CTNNA2: variants seen among roughly 807,000 people sequenced by gnomAD.
The protein encoded by CTNNA2 is catenin alpha-2.
In CTNNA2, 42 loss-of-function variants were observed where a neutral mutation model predicts 101.0. That is an observed-to-expected ratio of 0.42 (90% CI 0.32 to 0.54). The LOEUF (loss-of-function observed/expected upper bound fraction) is 0.54. Ranked by LOEUF, CTNNA2 falls within the 20% of genes least tolerant of loss-of-function variation. The pLI, the probability that CTNNA2 is intolerant of heterozygous loss-of-function variation, is 0.14. For missense variants in CTNNA2, 871 were observed against 1,223.1 expected (o/e 0.71, Z 4.29); for synonymous variants, 450 against 456.4 (o/e 0.99, Z 0.18).
chr2:80,631,361 A>C (rs1223520906), intron 18 of CTNNA2, among the ~76,000 whole-genome samples: 1 of 108,350 alleles, frequency 9.2e-6, no homozygotes, highest in Non-Finnish European at 2.1e-5. Flanking sequence ...GAAACCACTA[A>C]TTTTTTTTTT....
intron 6 of CTNNA2, among the ~76,000 whole-genome samples, chr2:79,892,136 A>G (rs1005632632): frequency 7.2e-5 from 11 of 152,200 alleles, no homozygotes; most frequent in Middle Eastern, 3.4e-3. Flanking sequence ...AATCAACTTT[A>G]TTTTACATTT....
intron 3 of CTNNA2, among the ~76,000 whole-genome samples, chr2:79,771,685 T>A (rs1281822078): frequency 6.6e-6 from 1 of 152,164 alleles, no homozygotes; most frequent in Non-Finnish European, 1.5e-5. Flanking sequence ...GAGGCGGAGC[T>A]CAGGCGGTAA....
chr2:80,640,960 C>G (rs905876707), intron 18 of CTNNA2, among the ~76,000 whole-genome samples: 1 of 152,150 alleles, frequency 6.6e-6, no homozygotes. Flanking sequence ...TAGAACAACC[C>G]CCTTAAAATC....
At chr2:80,559,784 G>A (rs552316312) in intron 12 of CTNNA2, among the ~76,000 whole-genome samples, 10 of 151,862 alleles carry the variant, frequency 6.6e-5, no homozygotes, top group African/African-American at 1.9e-4. Flanking sequence ...GTAAGTACAC[G>A]CTTGACCAGA....
chr2:79,286,206 C>G (rs1272394089), intron 2 of CTNNA2, among the ~76,000 whole-genome samples: 2 of 152,092 alleles, frequency 1.3e-5, no homozygotes, highest in Non-Finnish European at 2.9e-5. Flanking sequence ...GACTCTTTAT[C>G]CAATTTGCCA....
At chr2:79,211,732 C>T (rs1409503746) in intron 2 of CTNNA2, among the ~76,000 whole-genome samples, 2 of 152,120 alleles carry the variant, frequency 1.3e-5, no homozygotes, top group Non-Finnish European at 2.9e-5. Flanking sequence ...GATATGATGG[C>T]TTAGCTTGGG....
chr2:79,680,037 G>T (rs1455540504), intron 2 of CTNNA2, among the ~76,000 whole-genome samples: 7 of 152,020 alleles, frequency 4.6e-5, no homozygotes, highest in African/African-American at 1.5e-4. Flanking sequence ...TGAGCAGCAA[G>T]AGAGGAAGAG....
chr2:79,741,721 TGTA>T (rs10554681), intron 2 of CTNNA2, among the ~76,000 whole-genome samples: 5,105 of 152,272 alleles, frequency 0.034, 287 homozygotes, highest in African/African-American at 0.11. Flanking sequence ...TCTTCACTCT[TGTA>T]GTAGTTGGAC....
rs945227300 is a variant in CTNNA2, at chr2:79,593,880, GTTTTT to G, written c.-5-57651_-5-57647del. On this transcript the variant is annotated intron_variant, in intron 1 of 18. Transcript: ENST00000402739. ...GAGCCCCAGTGCTGCCTTTCTTTTA[GTTTTT>G]TTTTTTTTTTTTTTTTTTTTGAGAT... Among the ~76,000 whole-genome samples the G allele has an allele frequency of 8.2e-5, 7 of 85,440 alleles. No homozygotes were observed. In the South Asian group the frequency reaches 1.3e-3, roughly 15 times the overall value. 56.1% of individuals were successfully genotyped at this position (85,440 alleles called of 152,430 possible). A position where few individuals can be genotyped will look rare whatever the true frequency, so the allele number is the denominator to read the frequency against.
intron 11 of CTNNA2, among the ~76,000 whole-genome samples, chr2:80,548,622 A>G (rs1692301258): frequency 2.0e-5 from 3 of 152,192 alleles, no homozygotes; most frequent in African/African-American, 7.2e-5. Context: ...CATGGCAGGA[A>G]AATGAACAGG....
intron 4 of CTNNA2, among the ~76,000 whole-genome samples, chr2:79,417,346 A>T (rs182326328): frequency 6.6e-6 from 1 of 152,282 alleles, no homozygotes; most frequent in Admixed American, 6.5e-5. Context: ...TCTTTTTGTA[A>T]GATTACAAAT....
intron 18 of CTNNA2, among the ~76,000 whole-genome samples, chr2:80,643,920 T>C (rs945641017): frequency 1.3e-5 from 2 of 152,108 alleles, no homozygotes; most frequent in African/African-American, 4.8e-5. Context: ...AGACTAAGAA[T>C]CACAGATTGT....
intron 2 of CTNNA2, among the ~76,000 whole-genome samples, chr2:79,711,026 C>T (rs1685704145): frequency 2.0e-5 from 3 of 152,126 alleles, no homozygotes; most frequent in Admixed American, 2.0e-4. Context: ...AAAATGCGCT[C>T]ATTTTCTCCT....
intron 7 of CTNNA2, among the ~76,000 whole-genome samples, chr2:79,982,204 A>ATATATATATATATATC (rs1558697230): frequency 3.7e-5 from 1 of 26,970 alleles, no homozygotes; most frequent in East Asian, 1.1e-3. Context: ...ATATATATAT[A>ATATATATATATATATC]TATATATATA....
chr2:80,635,844 A>G (rs1672819549), intron 18 of CTNNA2, among the ~76,000 whole-genome samples: 1 of 152,184 alleles, frequency 6.6e-6, no homozygotes, highest in Non-Finnish European at 1.5e-5. Context: ...TTGATTGGGC[A>G]TATCTGTTAA....
Position 80,424,244 on chromosome 2 carries a change from G to A in CTNNA2, c.1290+4643G>A, listed in dbSNP as rs531663313. ...GCTGGGATTACAGGCGTGAGCCACCGTGCCCGGCCCAGCAAACATTCAAAA... is the reference window on the plus strand; with the variant it reads ...GCTGGGATTACAGGCGTGAGCCACCATGCCCGGCCCAGCAAACATTCAAAA... On this transcript the variant is annotated intron_variant, in intron 9 of 18. Coordinates refer to ENST00000402739, the MANE Select transcript of CTNNA2 (RefSeq NM_001282597.3). Among the ~76,000 whole-genome samples the A allele has an allele frequency of 1.2e-4, 19 of 152,242 alleles. 1 individual carries two copies. The South Asian group carries it at 3.7e-3, about 30-fold the overall frequency.
intron 2 of CTNNA2, among the ~76,000 whole-genome samples, chr2:79,664,097 A>C (rs546053808): frequency 2.6e-5 from 4 of 152,344 alleles, no homozygotes; most frequent in African/African-American, 9.6e-5. Flanking sequence ...GACCTCACTA[A>C]GCAATGAAAT....
intron 7 of CTNNA2, among the ~76,000 whole-genome samples, chr2:80,025,100 C>A (rs1694849861): frequency 6.6e-6 from 1 of 152,180 alleles, no homozygotes; most frequent in South Asian, 2.1e-4. Context: ...CGACATCCAG[C>A]TGGTTATTTT....
chr2:80,002,709 G>A (rs912287293), intron 7 of CTNNA2, among the ~76,000 whole-genome samples: 1 of 152,034 alleles, frequency 6.6e-6, no homozygotes, highest in Non-Finnish European at 1.5e-5. Context: ...TCACTTAATA[G>A]CAGCTGTGCT....
Sources: allele counts gnomAD v4.1 joint callset (sites outside exome capture counted in the v4.1 genomes callset), GRCh38; gene constraint gnomAD v4.1.1; transcripts MANE v1.5; gene names NCBI Gene and HGNC (gene_info 2026-07-23, HGNC 2026-07-21).